The following LCLAT1 variants were observed in gnomAD, a reference collection of about 807,000 sequenced individuals.
The protein encoded by LCLAT1 is 1-AGP acyltransferase 8.
A neutral mutation model predicts 30.7 loss-of-function variants in LCLAT1; 11 were observed. The ratio of observed to expected loss-of-function variants is 0.36; its 90% CI spans 0.23 to 0.59. The LOEUF (loss-of-function observed/expected upper bound fraction) is 0.59, where lower values mean the gene tolerates loss of function less well. LCLAT1 is among the 20% of genes least tolerant of loss of function. The probability of loss-of-function intolerance (pLI) is 0.77; values close to 1 mark genes in which losing one functional copy is unlikely to be tolerated. For synonymous variants in LCLAT1, 155 were observed against 151.3 expected (o/e 1.02, Z -0.18); for missense variants, 402 against 458.6 (o/e 0.88, Z 1.13).
intron 5 of LCLAT1, among the ~76,000 whole-genome samples, chr2:30,609,913 A>C (rs543423445): frequency 2.0e-5 from 3 of 152,244 alleles, no homozygotes; most frequent in Non-Finnish European, 2.9e-5. Flanking sequence ...CAGGACTTAA[A>C]ATCATTATCA....
At chr2:30,515,648 A>G (rs985504053) in intron 1 of LCLAT1, among the ~76,000 whole-genome samples, 3 of 152,180 alleles carry the variant, frequency 2.0e-5, no homozygotes, top group Non-Finnish European at 4.4e-5. Context: ...TCACTTCTCT[A>G]TCTCTGTTAT....
At position 30,581,091 on chromosome 2, in the gene LCLAT1, G is replaced by A. The variant is rs187203434; in HGVS notation, c.628+12915G>A. ...TGATTAATCAGAGTTTGGAATAGTT[G>A]TTGTGGTAAATGAGAAAAGGAAGCT... On this transcript the variant is annotated intron_variant, in intron 5 of 5. Transcript: ENST00000379509. Among the ~76,000 whole-genome samples the A allele has an allele frequency of 2.5e-4, 38 of 152,246 alleles. No homozygotes were observed. The East Asian group carries it at 5.2e-3, about 21-fold the overall frequency.
chr2:30,537,801 AC>A (rs1254416997), intron 3 of LCLAT1, among the ~76,000 whole-genome samples: 1 of 152,240 alleles, frequency 6.6e-6, no homozygotes, highest in African/African-American at 2.4e-5. Context: ...AATTCGTGGA[AC>A]ATTCTCCAGG....
At chr2:30,626,747 T>TTC (rs1367447271) in intron 5 of LCLAT1, among the ~76,000 whole-genome samples, 1 of 152,058 alleles carries the variant, frequency 6.6e-6, no homozygotes, top group African/African-American at 2.4e-5. Flanking sequence ...GTTTTCCTCT[T>TTC]TAGTAATGAA....
chr2:30,450,654 A>G (rs1441140467), intron 1 of LCLAT1, among the ~76,000 whole-genome samples: 1 of 152,240 alleles, frequency 6.6e-6, no homozygotes, highest in Non-Finnish European at 1.5e-5. Context: ...TCCAGCACCT[A>G]ACAACATAAC....
chr2:30,593,034 T>A (rs1252835021), intron 5 of LCLAT1, among the ~76,000 whole-genome samples: 1 of 152,192 alleles, frequency 6.6e-6, no homozygotes, highest in African/African-American at 2.4e-5. Flanking sequence ...TTTTTGTACA[T>A]CTTAACCAAC....
chr2:30,554,372 T>A (rs1488293507), intron 3 of LCLAT1, among the ~76,000 whole-genome samples: 1 of 152,194 alleles, frequency 6.6e-6, no homozygotes, highest in African/African-American at 2.4e-5. Context: ...AAATAAATAA[T>A]TCTCTAAGGA....
intron 5 of LCLAT1, among the ~76,000 whole-genome samples, chr2:30,626,498 G>A (rs1172716757): frequency 1.3e-5 from 2 of 152,060 alleles, no homozygotes; most frequent in African/African-American, 4.8e-5. Flanking sequence ...AAGCTCTTCT[G>A]TATTTATGAT....
intron 5 of LCLAT1, among the ~76,000 whole-genome samples, chr2:30,629,187 G>C (rs1175340718): frequency 6.6e-6 from 1 of 152,172 alleles, no homozygotes; most frequent in Non-Finnish European, 1.5e-5. Context: ...CTCTTGCAAA[G>C]TCATAAGAAG....
At chr2:30,561,190 G>A (rs560355758) in intron 3 of LCLAT1, among the ~76,000 whole-genome samples, 124 of 152,206 alleles carry the variant, frequency 8.1e-4, no homozygotes, top group African/African-American at 2.8e-3. Context: ...TGATTCACCC[G>A]CCTCAGCCTC....
intron 3 of LCLAT1, among the ~76,000 whole-genome samples, chr2:30,534,030 C>G (rs1403537356): frequency 6.6e-6 from 1 of 152,178 alleles, no homozygotes; most frequent in East Asian, 1.9e-4. Flanking sequence ...ATCCTCCTGA[C>G]AGCCTTGTTA....
intron 1 of LCLAT1, among the ~76,000 whole-genome samples, chr2:30,508,082 G>A (rs1295300549): frequency 1.3e-5 from 2 of 152,118 alleles, no homozygotes; most frequent in Non-Finnish European, 2.9e-5. Context: ...TTGGCCACAT[G>A]TATGTCTTCT....
At position 30,640,866 on chromosome 2, in the gene LCLAT1, A is replaced by G. The variant is rs993601634; in HGVS notation, c.*247A>G. 13 of 409,706 alleles carry G rather than the reference A, an allele frequency of 3.2e-5. No homozygotes were observed. 25.4% of individuals were successfully genotyped at this position (409,706 alleles called of 1,614,324 possible). A position where few individuals can be genotyped will look rare whatever the true frequency, so the allele number is the denominator to read the frequency against. On this transcript the variant is annotated 3_prime_UTR_variant, in exon 6 of 6. Transcript: ENST00000379509. ...GGGGTGAAATAACTTGGGCCAGAAT[A>G]TTATTAAACAATCATCAGGCTTTTA...
intron 1 of LCLAT1, among the ~76,000 whole-genome samples, chr2:30,458,369 T>A (rs1681937521): frequency 6.6e-6 from 1 of 152,140 alleles, no homozygotes; most frequent in Non-Finnish European, 1.5e-5. Flanking sequence ...GGAGGGTGGA[T>A]CTTGATAGAC....
chr2:30,501,076 C>CTG (rs1553362946), intron 1 of LCLAT1, among the ~76,000 whole-genome samples: 2,459 of 146,582 alleles, frequency 0.017, 24 homozygotes, highest in East Asian at 0.026. Context: ...TTGTTTTGTT[C>CTG]TGTGTGTGTG....
intron 1 of LCLAT1, among the ~76,000 whole-genome samples, chr2:30,475,721 TAC>T (rs1159253451): frequency 6.6e-6 from 1 of 152,222 alleles, no homozygotes; most frequent in Non-Finnish European, 1.5e-5. Flanking sequence ...TTCTTTCTGA[TAC>T]AGTTTCTCCT....
intron 1 of LCLAT1, among the ~76,000 whole-genome samples, chr2:30,480,478 A>G (rs1295463398): frequency 6.6e-6 from 1 of 152,218 alleles, no homozygotes; most frequent in Admixed American, 6.5e-5. Context: ...TACAGGTTTG[A>G]GCCACTGCGC....
At chr2:30,616,052 C>T (rs1667980333) in intron 5 of LCLAT1, among the ~76,000 whole-genome samples, 1 of 152,170 alleles carries the variant, frequency 6.6e-6, no homozygotes, top group South Asian at 2.1e-4. Flanking sequence ...AGGCCAGTTT[C>T]ATCTATAAGA....
chr2:30,487,614 A>G (rs1683625814), intron 1 of LCLAT1, among the ~76,000 whole-genome samples: 2 of 152,196 alleles, frequency 1.3e-5, no homozygotes, highest in Admixed American at 6.5e-5. Flanking sequence ...AAAATAAAGT[A>G]GAGGCTTAAG....
Sources: gnomAD v4.1 joint callset for allele counts (sites outside exome capture counted in the v4.1 genomes callset) on GRCh38, gnomAD v4.1.1 for gene constraint, MANE v1.5 for transcripts, NCBI Gene and HGNC (gene_info 2026-07-23, HGNC 2026-07-21) for gene names.